IGF1R: variants seen among roughly 807,000 people sequenced by gnomAD.
The protein encoded by IGF1R is insulin like growth factor 1 receptor, also known as insulin-like growth factor 1 receptor.
Under a neutral mutation model 144.6 loss-of-function variants are expected in IGF1R, and 44 were observed. That is an observed-to-expected ratio of 0.30 (90% CI 0.24 to 0.39). The LOEUF is 0.39. Among genes scored for constraint, IGF1R ranks in the 10% least tolerant of loss-of-function variants. The probability of loss-of-function intolerance (pLI) is 1.00; values close to 1 mark genes in which losing one functional copy is unlikely to be tolerated. For synonymous variants in IGF1R, 795 were observed against 722.8 expected, an observed-to-expected ratio of 1.10 and a Z score of -1.60; for missense variants, 1,355 against 1,833.7, an observed-to-expected ratio of 0.74 and a Z score of 4.77.
At position 98,663,621 on chromosome 15, in the gene IGF1R, G is replaced by A. The variant is rs1394209042; in HGVS notation, c.94+13946G>A. 4.6e-5 allele frequency among the ~76,000 whole-genome samples: 7 copies of A among 152,174 alleles called. No individual in the cohort carries two copies. In the East Asian group the frequency reaches 1.4e-3, roughly 29 times the overall value. ...GTTGTTGTTCGTTTGCTGGGGCACT[G>A]CTTTCTGATTTTTAGAGGAGTCCAG... On this transcript the variant is annotated intron_variant, in intron 1 of 20. Coordinates refer to ENST00000650285, the MANE Select transcript of IGF1R (RefSeq NM_000875.5).
At chr15:98,926,407 GTAA>G (rs1000960856) in intron 13 of IGF1R, among the ~76,000 whole-genome samples, 16 of 126,010 alleles carry the variant, frequency 1.3e-4, no homozygotes, top group African/African-American at 2.6e-4. Context: ...CATGATGACA[GTAA>G]TAATGATGTA....
At chr15:98,773,220 A>C (rs2055633304) in intron 2 of IGF1R, among the ~76,000 whole-genome samples, 1 of 152,174 alleles carries the variant, frequency 6.6e-6, no homozygotes, top group Non-Finnish European at 1.5e-5. Flanking sequence ...CTGCATGTAC[A>C]GTCCCATCCA....
intron 1 of IGF1R, among the ~76,000 whole-genome samples, chr15:98,701,990 C>T (rs2053745098): frequency 6.8e-6 from 1 of 147,664 alleles, no homozygotes; most frequent in Admixed American, 6.8e-5. Flanking sequence ...TGCCTGAGAG[C>T]AGGAGCTGGT....
intron 2 of IGF1R, among the ~76,000 whole-genome samples, chr15:98,801,396 G>C (rs1413855713): frequency 6.6e-6 from 1 of 152,202 alleles, no homozygotes; most frequent in African/African-American, 2.4e-5. Context: ...CAAAGAGAGC[G>C]GGCATTGTCT....
At chr15:98,691,180 T>C (rs1431113966) in intron 1 of IGF1R, among the ~76,000 whole-genome samples, 1 of 152,156 alleles carries the variant, frequency 6.6e-6, no homozygotes, top group East Asian at 1.9e-4. Flanking sequence ...GTTCCTTTCC[T>C]GGTCTAGGAT....
chr15:98,851,244 G>A (rs376473258), intron 2 of IGF1R, among the ~76,000 whole-genome samples: 152 of 152,338 alleles, frequency 1.0e-3, no homozygotes, highest in African/African-American at 3.5e-3. Context: ...TACATGCCAG[G>A]CGGGCAGGGC....
intron 2 of IGF1R, among the ~76,000 whole-genome samples, chr15:98,800,366 G>A (rs554799830): frequency 1.3e-5 from 2 of 152,274 alleles, no homozygotes; most frequent in Admixed American, 1.3e-4. Flanking sequence ...AAAGTCTGTA[G>A]ATGGTAATAT....
At chr15:98,661,610 G>A (rs1244200212) in intron 1 of IGF1R, among the ~76,000 whole-genome samples, 2 of 152,100 alleles carry the variant, frequency 1.3e-5, no homozygotes, top group Non-Finnish European at 2.9e-5. Flanking sequence ...TCTTCTCCGT[G>A]CGGTTTGCAT....
intron 2 of IGF1R, among the ~76,000 whole-genome samples, chr15:98,852,713 C>G (rs983566872): frequency 6.6e-5 from 10 of 152,208 alleles, no homozygotes; most frequent in Non-Finnish European, 7.3e-5. Flanking sequence ...GAATCCCTCC[C>G]TCCGCCTCCC....
intron 1 of IGF1R, among the ~76,000 whole-genome samples, chr15:98,684,572 G>T (rs894347050): frequency 1.3e-5 from 2 of 152,156 alleles, no homozygotes; most frequent in Non-Finnish European, 2.9e-5. Flanking sequence ...AGCCCTCAGT[G>T]AAGATCTTTT....
intron 2 of IGF1R, among the ~76,000 whole-genome samples, chr15:98,793,682 G>A (rs1457003055): frequency 6.6e-6 from 1 of 152,166 alleles, no homozygotes; most frequent in Admixed American, 6.5e-5. Flanking sequence ...ATACTCTGAT[G>A]CATAATATTT....
At chr15:98,928,738 T>C (rs1017942852) in intron 13 of IGF1R, among the ~76,000 whole-genome samples, 1 of 152,186 alleles carries the variant, frequency 6.6e-6, no homozygotes. Flanking sequence ...TTGACACTAA[T>C]TTCCCATGTC....
rs72752822 is a variant in IGF1R, at chr15:98,806,595, G to A, written c.641-84730G>A. ...ACTTTCTAATAGGTGTTACCAGGACGCCTAAGGAAATTATCTCACAGAGTT... is the reference window on the plus strand; with the variant it reads ...ACTTTCTAATAGGTGTTACCAGGACACCTAAGGAAATTATCTCACAGAGTT... On this transcript the variant is annotated intron_variant, in intron 2 of 20. Coordinates refer to ENST00000650285, the MANE Select transcript of IGF1R (RefSeq NM_000875.5). Among the ~76,000 whole-genome samples, 949 of 152,270 alleles carry A rather than the reference G, an allele frequency of 6.2e-3. 4 individuals are homozygous for A. Among genetic ancestry groups the A allele is most frequent in the South Asian group, 0.015 (71 of 4,826 alleles).
rs140019297 is a variant in IGF1R at position 98,806,990 on chromosome 15, G to A, written c.641-84335G>A. Reference sequence around the variant, plus strand: ...AACCTGGGCAACATGGTGAAACCCCGTCTCAAAAGAAAAAAAAGAAAAGAA... The same window carrying A: ...AACCTGGGCAACATGGTGAAACCCCATCTCAAAAGAAAAAAAAGAAAAGAA... On this transcript the variant is annotated intron_variant, in intron 2 of 20. Transcript: ENST00000650285. Among the ~76,000 whole-genome samples the A allele has an allele frequency of 4.0e-3, 607 of 152,110 alleles. 2 individuals carry two copies. The highest frequency in any genetic ancestry group is 0.013 in the African/African-American group (558 of 41,476).
chr15:98,908,891 G>C lies in IGF1R; in HGVS notation c.1454G>C (p.Arg485Thr). The change falls in exon 6 of 21, where the codon AGA becomes ACA. Residue 485 changes from arginine to threonine, a missense_variant. Physicochemically the swap from Arg to Thr is moderately conservative, Grantham distance 71 (BLOSUM62 -1). This residue lies in a region of IGF1R where 880 missense variants were observed against 1,202.7 expected (regional missense o/e 0.73). Coordinates refer to ENST00000650285, the MANE Select transcript of IGF1R (RefSeq NM_000875.5). ...GDINTRNNGE[R>T]ASCESDVLHF... The stretch of plus-strand genomic sequence containing the variant: ...ATAAACACCAGGAACAACGGGGAGA[G>C]AGCCTCCTGTGAGTGACAGCATCCA... The C allele has an allele frequency of 6.2e-7, 1 of 1,613,540 alleles. No individual in the cohort carries two copies. Among genetic ancestry groups the C allele is most frequent in the Non-Finnish European group, 8.5e-7 (1 of 1,179,666 alleles).
At chr15:98,890,147 G>A (rs1357112) in intron 2 of IGF1R, among the ~76,000 whole-genome samples, 101,856 of 152,090 alleles carry the variant, frequency 0.67, 34,562 homozygotes, top group East Asian at 0.97. Flanking sequence ...GCTCGGAGAT[G>A]CTACTCACCC....
intron 18 of IGF1R, among the ~76,000 whole-genome samples, chr15:98,940,505 G>C (rs904802528): frequency 1.3e-5 from 2 of 152,230 alleles, no homozygotes; most frequent in Admixed American, 1.3e-4. Context: ...CCAGGTTCAA[G>C]TGATTCTCCT....
rs151291856 is a variant in IGF1R at position 98,753,456 on chromosome 15, C to T, written c.640+45349C>T. ...CTATGTTGCCCAGGCTTGTCTCGAA[C>T]TCCTGGCCTCAAGCGATCCACCTGC... On this transcript the variant is annotated intron_variant, in intron 2 of 20. Transcript: ENST00000650285. Among the ~76,000 whole-genome samples, 786 of 134,706 alleles carry T rather than the reference C, an allele frequency of 5.8e-3. 5 individuals are homozygous for T. Among genetic ancestry groups the T allele is most frequent in the African/African-American group, 0.02 (743 of 36,472 alleles). 88.4% of individuals were successfully genotyped at this position (134,706 alleles called of 152,430 possible). A position where few individuals can be genotyped will look rare whatever the true frequency, so the allele number is the denominator to read the frequency against.
intron 2 of IGF1R, among the ~76,000 whole-genome samples, chr15:98,775,913 T>G (rs1022411499): frequency 1.3e-5 from 2 of 152,190 alleles, no homozygotes; most frequent in Non-Finnish European, 2.9e-5. Context: ...CTTTGCAAAT[T>G]AGGGAGGTGT....
Sources: allele counts gnomAD v4.1 joint callset (sites outside exome capture counted in the v4.1 genomes callset), GRCh38; gene constraint gnomAD v4.1.1; regional missense constraint gnomAD v4.1.1; transcripts MANE v1.5; gene names NCBI Gene and HGNC (gene_info 2026-07-23, HGNC 2026-07-21).